Variants in NPAS3 observed in about 807,000 individuals in gnomAD.
NPAS3 encodes the protein neuronal PAS domain protein 3.
A neutral mutation model predicts 73.1 loss-of-function variants in NPAS3; 14 were observed. The ratio of observed to expected loss-of-function variants is 0.19; its 90% confidence interval spans 0.13 to 0.30. The LOEUF (loss-of-function observed/expected upper bound fraction) is 0.30. Ranked by LOEUF, NPAS3 falls within the 10% of genes least tolerant of loss-of-function variation. NPAS3 has a pLI of 1.00. For synonymous variants in NPAS3, 620 were observed against 541.5 expected, an observed-to-expected ratio of 1.14 and a Z score of -2.01; for missense variants, 1,096 against 1,250.0, an observed-to-expected ratio of 0.88 and a Z score of 1.86.
intron 5 of NPAS3, among the ~76,000 whole-genome samples, chr14:33,621,452 G>A (rs1166135169): frequency 6.6e-6 from 1 of 152,064 alleles, no homozygotes. Context: ...GTATCATTGT[G>A]CGTATATTTA....
intron 4 of NPAS3, among the ~76,000 whole-genome samples, chr14:33,453,210 G>A (rs1268463663): frequency 6.6e-6 from 1 of 152,170 alleles, no homozygotes; most frequent in African/African-American, 2.4e-5. Flanking sequence ...TCAGCCAGGG[G>A]TCTATTGTTA....
At chr14:33,287,675 C>A (rs1369160424) in intron 3 of NPAS3, among the ~76,000 whole-genome samples, 2 of 152,186 alleles carry the variant, frequency 1.3e-5, no homozygotes, top group Non-Finnish European at 2.9e-5. Flanking sequence ...GTCCAGGACT[C>A]ATCAGAATAC....
At chr14:33,569,533 C>T (rs895735241) in intron 5 of NPAS3, among the ~76,000 whole-genome samples, 7 of 152,080 alleles carry the variant, frequency 4.6e-5, no homozygotes, top group African/African-American at 1.7e-4. Flanking sequence ...TTAAGAAACC[C>T]CTTCCCTCTT....
chr14:33,435,933 G>A (rs528941362), intron 4 of NPAS3, among the ~76,000 whole-genome samples: 2 of 152,180 alleles, frequency 1.3e-5, no homozygotes, highest in South Asian at 2.1e-4. Flanking sequence ...TTGAGGCCTC[G>A]CAGACATCAC....
exon 11 of NPAS3, chr14:33,797,532 G>A (rs199714115): frequency 5.2e-5 from 84 of 1,613,962 alleles, no homozygotes; most frequent in South Asian, 2.1e-4. Flanking sequence ...CCGAATCCTC[G>A]GAGACATCCG....
At chr14:33,550,254 C>T (rs2055047097) in intron 4 of NPAS3, among the ~76,000 whole-genome samples, 1 of 152,124 alleles carries the variant, frequency 6.6e-6, no homozygotes, top group Admixed American at 6.6e-5. Flanking sequence ...CCTGGGCTCA[C>T]ACGATTCTCC....
rs541222562 is a variant in NPAS3, at chr14:33,278,535, G to A, written c.385+63109G>A. On this transcript the variant is annotated intron_variant, in intron 3 of 11. Transcript: ENST00000356141. The stretch of plus-strand genomic sequence containing the variant: ...AAAAAAAGTATCTCAAGAACGATAA[G>A]GGGAAAAAAAAGAATGATATGAAAG... 6.0e-5 allele frequency among the ~76,000 whole-genome samples: 9 copies of A among 150,946 alleles called. No homozygotes were observed. The South Asian group carries it at 1.9e-3, about 31-fold the overall frequency.
chr14:33,390,399 G>A (rs1280607039), intron 4 of NPAS3, among the ~76,000 whole-genome samples: 2 of 152,042 alleles, frequency 1.3e-5, no homozygotes, highest in Admixed American at 1.3e-4. Flanking sequence ...ACTATATCAG[G>A]GCCTACAGTG....
At chr14:33,634,878 C>T (rs535999456) in intron 5 of NPAS3, among the ~76,000 whole-genome samples, 1 of 152,280 alleles carries the variant, frequency 6.6e-6, no homozygotes, top group African/African-American at 2.4e-5. Context: ...TTCCCCAGGC[C>T]AGCAGCATCA....
At chr14:33,502,143 C>T (rs1008314351) in intron 4 of NPAS3, among the ~76,000 whole-genome samples, 1 of 151,918 alleles carries the variant, frequency 6.6e-6, no homozygotes. Flanking sequence ...GTAGAATACA[C>T]TGAAAGTCTG....
At chr14:33,421,547 CTT>C (rs80147474) in intron 4 of NPAS3, among the ~76,000 whole-genome samples, 2 of 147,898 alleles carry the variant, frequency 1.4e-5, no homozygotes, top group East Asian at 4.0e-4. Context: ...CATATAGAAG[CTT>C]TTTTTTTTGT....
intron 1 of NPAS3, among the ~76,000 whole-genome samples, chr14:32,946,975 G>C (rs540098188): frequency 1.2e-4 from 18 of 152,002 alleles, no homozygotes; most frequent in Non-Finnish European, 1.8e-4. Context: ...CTGTGAGTTG[G>C]GTACCTAGTG....
chr14:33,675,176 G>A (rs965386196), intron 5 of NPAS3, among the ~76,000 whole-genome samples: 1 of 152,130 alleles, frequency 6.6e-6, no homozygotes, highest in Non-Finnish European at 1.5e-5. Flanking sequence ...AGTGACCTGG[G>A]AAAGAGCTTT....
intron 4 of NPAS3, among the ~76,000 whole-genome samples, chr14:33,497,098 A>G (rs975135705): frequency 6.6e-6 from 1 of 152,208 alleles, no homozygotes; most frequent in Non-Finnish European, 1.5e-5. Flanking sequence ...CCCATTCACA[A>G]TTGCTACAAA....
intron 2 of NPAS3, among the ~76,000 whole-genome samples, chr14:33,129,747 T>C (rs1396953489): frequency 1.3e-5 from 2 of 152,166 alleles, no homozygotes; most frequent in Non-Finnish European, 2.9e-5. Context: ...AAGGATCCCA[T>C]GTTCAGAGGT....
chr14:33,761,792 G>T lies in NPAS3; in HGVS notation c.853-12545G>T, dbSNP rs182317408. Reference sequence around the variant, plus strand: ...GGGAATAGGGAGAATTGAGTGTCTTGCACAGTGCAAAAATTGATGAATTCT... The same window carrying T: ...GGGAATAGGGAGAATTGAGTGTCTTTCACAGTGCAAAAATTGATGAATTCT... On this transcript the variant is annotated intron_variant, in intron 7 of 11. Transcript: ENST00000356141. Among the ~76,000 whole-genome samples the T allele has an allele frequency of 2.6e-5, 4 of 152,232 alleles. No individual in the cohort carries two copies. In the East Asian group the frequency reaches 7.7e-4, roughly 29 times the overall value.
At chr14:33,588,203 G>T (rs2056934908) in intron 5 of NPAS3, among the ~76,000 whole-genome samples, 1 of 152,198 alleles carries the variant, frequency 6.6e-6, no homozygotes, top group African/African-American at 2.4e-5. Context: ...TGGAATCCAA[G>T]GTTCCTATGG....
chr14:33,562,898 A>AACACACACACAC (rs2055718986), intron 5 of NPAS3, among the ~76,000 whole-genome samples: 1 of 30,794 alleles, frequency 3.2e-5, no homozygotes, highest in African/African-American at 1.3e-4. Flanking sequence ...TTCTTTTATG[A>AACACACACACAC]GCACACACAC....
chr14:33,348,006 G>T (rs1303620782), intron 3 of NPAS3, among the ~76,000 whole-genome samples: 1 of 152,118 alleles, frequency 6.6e-6, no homozygotes, highest in Non-Finnish European at 1.5e-5. Context: ...CTTCCAGGAA[G>T]GTCCCTGTTT....
Sources: gnomAD v4.1 joint callset for allele counts (sites outside exome capture counted in the v4.1 genomes callset) on GRCh38, gnomAD v4.1.1 for gene constraint, MANE v1.5 for transcripts, NCBI Gene and HGNC (gene_info 2026-07-23, HGNC 2026-07-21) for gene names.